SERGEF: variants seen among roughly 807,000 people sequenced by gnomAD.
SERGEF encodes the protein secretion regulating guanine nucleotide exchange factor, also known as secretion-regulating guanine nucleotide exchange factor.
SERGEF carries 51 observed loss-of-function variants against 50.0 expected under a neutral mutation model. The observed-to-expected ratio is 1.02, with a 90% CI of 0.81 to 1.29. The LOEUF is 1.29. SERGEF is among the 50% of genes most tolerant of loss of function. The probability of loss-of-function intolerance (pLI) is 0.00; values close to 1 mark genes in which losing one functional copy is unlikely to be tolerated. For missense variants in SERGEF, 521 were observed against 557.0 expected (o/e 0.94, Z 0.65); for synonymous variants, 205 against 212.4 (o/e 0.97, Z 0.30).
intron 9 of SERGEF, among the ~76,000 whole-genome samples, chr11:17,942,501 T>A (rs1440359730): frequency 6.6e-6 from 1 of 152,208 alleles, no homozygotes; most frequent in Non-Finnish European, 1.5e-5. Flanking sequence ...GTTCTAATAG[T>A]TATTTTATAG....
chr11:17,902,659 T>C (rs1481658803), intron 9 of SERGEF, among the ~76,000 whole-genome samples: 1 of 152,182 alleles, frequency 6.6e-6, no homozygotes, highest in Admixed American at 6.5e-5. Context: ...AGGTGGAACA[T>C]GGGCAGAAAC....
intron 10 of SERGEF, among the ~76,000 whole-genome samples, chr11:17,850,278 T>C (rs1850688559): frequency 6.6e-6 from 1 of 152,190 alleles, no homozygotes; most frequent in Non-Finnish European, 1.5e-5. Flanking sequence ...CAGGAATTTT[T>C]GAGGAGCATA....
At chr11:18,012,330 T>C (rs1259848503) in intron 1 of SERGEF, among the ~76,000 whole-genome samples, 1 of 152,186 alleles carries the variant, frequency 6.6e-6, no homozygotes, top group African/African-American at 2.4e-5. Flanking sequence ...CTCCTGTGCA[T>C]GAACCCTCCT....
At chr11:17,926,833 G>A (rs1451983233) in intron 9 of SERGEF, 4 of 456,088 alleles carry the variant, frequency 8.8e-6, no homozygotes, top group Non-Finnish European at 1.8e-5. Flanking sequence ...ATCTCCCACT[G>A]TGCAGTTCAG....
chr11:18,010,887 G>T (rs77786435), intron 1 of SERGEF, among the ~76,000 whole-genome samples: 3,638 of 152,192 alleles, frequency 0.024, 125 homozygotes, highest in African/African-American at 0.084. Flanking sequence ...GGATTTCTTG[G>T]TCAGCCCTGA....
At chr11:17,971,717 A>G (rs746184511) in intron 8 of SERGEF, among the ~76,000 whole-genome samples, 2 of 152,228 alleles carry the variant, frequency 1.3e-5, no homozygotes, top group Non-Finnish European at 2.9e-5. Flanking sequence ...CAGTCCAAGG[A>G]TCAAGGAGTC....
intron 10 of SERGEF, among the ~76,000 whole-genome samples, chr11:17,800,370 G>T (rs1252538641): frequency 6.6e-6 from 1 of 152,152 alleles, no homozygotes; most frequent in Non-Finnish European, 1.5e-5. Context: ...TTTGACAAAT[G>T]TATAATGACA....
rs75396053 is a variant in SERGEF at position 17,824,484 on chromosome 11, G to A, written c.1049-36071C>T. Among the ~76,000 whole-genome samples, 487 of 152,292 alleles carry A rather than the reference G, an allele frequency of 3.2e-3. 10 individuals carry two copies. The highest frequency in any genetic ancestry group is 0.025 in the Admixed American group (379 of 15,300). The stretch of plus-strand genomic sequence containing the variant: ...AGAACTATTATAGCAATCTTGTGGG[G>A]GGATATCATCAGACCTGTCATGCGT... On this transcript the variant is annotated intron_variant, in intron 10 of 10. Transcript: ENST00000265965.
chr11:18,010,735 C>CA (rs1854177282), intron 1 of SERGEF, among the ~76,000 whole-genome samples: 1 of 152,212 alleles, frequency 6.6e-6, no homozygotes, highest in Non-Finnish European at 1.5e-5. Context: ...GGCAGGAACT[C>CA]TGCTTTGCTC....
At chr11:17,875,782 G>C (rs1851227744) in intron 10 of SERGEF, among the ~76,000 whole-genome samples, 1 of 152,218 alleles carries the variant, frequency 6.6e-6, no homozygotes, top group Non-Finnish European at 1.5e-5. Flanking sequence ...CATTAAGGTT[G>C]CTTATACCCT....
chr11:17,992,872 A>G (rs1853746688), intron 7 of SERGEF, 59 bp downstream of exon 7: 1 of 1,374,638 alleles, frequency 7.3e-7, no homozygotes, highest in Non-Finnish European at 1.0e-6. Context: ...TCACCACTTC[A>G]GGCAGTCACA....
chr11:17,892,739 G>C (rs1217511509), intron 9 of SERGEF, among the ~76,000 whole-genome samples: 1 of 152,214 alleles, frequency 6.6e-6, no homozygotes, highest in Non-Finnish European at 1.5e-5. Context: ...CTTGTGTGTA[G>C]TTGAACAGAC....
chr11:17,795,824 C>T (rs963410076), intron 10 of SERGEF, among the ~76,000 whole-genome samples: 9 of 152,168 alleles, frequency 5.9e-5, no homozygotes, highest in African/African-American at 2.2e-4. Context: ...TGGGAAAAGA[C>T]AGTTATGGGA....
At position 18,012,931 on chromosome 11, in the gene SERGEF, C is replaced by T. The variant is rs770774301; in HGVS notation, c.60+20G>A. The T allele has an allele frequency of 3.9e-5, 59 of 1,519,244 alleles. 1 individual carries two copies. The South Asian group carries it at 6.8e-4, about 17-fold the overall frequency. 94.1% of individuals were successfully genotyped at this position (1,519,244 alleles called of 1,614,324 possible). ...GGCGCCCCTCAGGGCCTGCACCGGC[C>T]CGGGGGCGGAGTCACGTACCCAGGC... On this transcript the variant is annotated intron_variant, in intron 1 of 10. Coordinates refer to ENST00000265965, the MANE Select transcript of SERGEF (RefSeq NM_012139.4).
Position 17,992,934 on chromosome 11 carries a change from T to C in SERGEF, c.682A>G (p.Thr228Ala). 2 of 1,613,844 alleles carry C rather than the reference T, an allele frequency of 1.2e-6. No homozygotes were observed. Among genetic ancestry groups the C allele is most frequent in the Non-Finnish European group, 1.7e-6 (2 of 1,179,698 alleles). The change falls in exon 7 of 11, where the codon ACA (threonine) becomes GCA (alanine). Residue 228 changes from threonine to alanine, a missense_variant. Thr to Ala is a moderately conservative substitution (Grantham distance 58). Transcript: ENST00000265965. ...CCGTGAAAGAGCTGGTACCTACCTGTTAATGAAGCTGAGTGGTCTGAGCCA... is the reference window on the plus strand; with the variant it reads ...CCGTGAAAGAGCTGGTACCTACCTGCTAATGAAGCTGAGTGGTCTGAGCCA... ...LAGSDHSASL[T>A]DAGEVYVWGS...
chr11:17,866,885 T>C (rs1851036348), intron 10 of SERGEF: 1 of 152,192 alleles, frequency 6.6e-6, no homozygotes, highest in Non-Finnish European at 1.5e-5. Context: ...AAGAGAGAGC[T>C]TGTGCAGAGA....
At chr11:17,872,533 G>A (rs1851159757) in intron 10 of SERGEF, among the ~76,000 whole-genome samples, 2 of 152,128 alleles carry the variant, frequency 1.3e-5, no homozygotes, top group South Asian at 4.2e-4. Context: ...CTTATACCTT[G>A]CTAGTGGAAG....
chr11:17,910,598 T>A (rs1269924405), intron 9 of SERGEF, among the ~76,000 whole-genome samples: 1 of 152,180 alleles, frequency 6.6e-6, no homozygotes, highest in Non-Finnish European at 1.5e-5. Context: ...GAATTTGTCG[T>A]CTGAAGTCTC....
chr11:17,822,102 T>C (rs1850097562), intron 10 of SERGEF, among the ~76,000 whole-genome samples: 1 of 152,152 alleles, frequency 6.6e-6, no homozygotes, highest in Non-Finnish European at 1.5e-5. Context: ...TGGTATTGTT[T>C]AATTAAACAG....
Sources: allele counts gnomAD v4.1 joint callset (sites outside exome capture counted in the v4.1 genomes callset), GRCh38; gene constraint gnomAD v4.1.1; transcripts MANE v1.5; gene names NCBI Gene and HGNC (gene_info 2026-07-23, HGNC 2026-07-21).